The following RBP3 variants were observed in gnomAD, a reference collection of about 807,000 sequenced individuals.
The protein encoded by RBP3 is retinol-binding protein 3.
In RBP3, 50 loss-of-function variants were observed where a neutral mutation model predicts 64.8. That is an observed-to-expected ratio of 0.77 (90% confidence interval 0.61 to 0.98). The LOEUF is 0.98. RBP3 is among the 50% of genes least tolerant of loss of function. The pLI, the probability that RBP3 is intolerant of heterozygous loss-of-function variation, is 0.00. For synonymous variants in RBP3, 828 were observed against 730.2 expected, an observed-to-expected ratio of 1.13 and a Z score of -2.16; for missense variants, 1,712 against 1,660.5, an observed-to-expected ratio of 1.03 and a Z score of -0.54.
At chr10:47,352,284 C>T (rs1044000769) in intron 1 of RBP3, among the ~76,000 whole-genome samples, 13 of 152,168 alleles carry the variant, frequency 8.5e-5, no homozygotes, top group African/African-American at 3.1e-4. Context: ...CAGGCATAGC[C>T]CTCTGCAGGC....
rs2132252059 is a variant in RBP3 at position 47,348,538 on chromosome 10, C to A, written c.54C>A (p.Gly18=). 6.2e-7 allele frequency: 1 copy of A among 1,611,336 alleles called. No individual in the cohort carries two copies. The highest frequency in any genetic ancestry group is 8.5e-7 in the Non-Finnish European group (1 of 1,179,986). ...LMSVLLCGLA[G]PTHLFQPSLV... is the part of the protein sequence containing the mutation. ...CCGTGCTGCTCTGTGGCCTGGCTGG[C>A]CCCACACACCTGTTCCAGCCAAGCC... is the stretch of plus-strand genomic sequence containing the variant. Residue 18 remains glycine, a synonymous_variant, in exon 1 of 4, where the codon GGC becomes GGA. Transcript: ENST00000584701.
Position 47,353,454 on chromosome 10 carries a change from C to CACA in RBP3, c.3184_3185insACA (p.Leu1062delinsHisMet). ...TGAGCTGCTCACCCAGGTCTCCAGG[C>CACA]TGCTGGTGGAGCACATCTGGAAGAA... On this transcript the variant is annotated protein_altering_variant, in exon 2 of 4. Coordinates refer to ENST00000584701, the MANE Select transcript of RBP3 (RefSeq NM_002900.3). 1 of 1,614,170 alleles carries CACA rather than the reference C, an allele frequency of 6.2e-7. No homozygotes were observed. The highest frequency in any genetic ancestry group is 1.1e-5 in the South Asian group (1 of 91,084).
intron 1 of RBP3, among the ~76,000 whole-genome samples, chr10:47,352,680 TGCATCCACGTGCGA>T (rs1418912807): frequency 6.6e-6 from 1 of 152,084 alleles, no homozygotes; most frequent in African/African-American, 2.4e-5. Context: ...GAGGAGGAGG[TGCATCCACGTGCGA>T]GTAGCCTGTG....
chr10:47,356,140 A>G (rs1262376813), intron 3 of RBP3, among the ~76,000 whole-genome samples: 5 of 152,206 alleles, frequency 3.3e-5, no homozygotes, highest in African/African-American at 1.2e-4. Context: ...CTACCCAACA[A>G]GAAAGGACTG....
At chr10:47,354,628 C>G (rs1837022346) in intron 2 of RBP3, among the ~76,000 whole-genome samples, 1 of 152,226 alleles carries the variant, frequency 6.6e-6, no homozygotes, top group South Asian at 2.1e-4. Flanking sequence ...ATGCCATTTA[C>G]ACTTTTTAAA....
chr10:47,349,761 TG>T lies in RBP3; in HGVS notation c.1279del (p.Asp427ThrfsTer139), dbSNP rs2132253612. Reference sequence around the variant, plus strand: ...GACGAGGCTATCCGGCAAGCACTGGTGGACTCTGTGTTCCAGGTGTCGGTGC... The same window carrying T: ...GACGAGGCTATCCGGCAAGCACTGGTGACTCTGTGTTCCAGGTGTCGGTGC... ...PEDEAIRQAL[V>X]DSVFQVSVLP... On this transcript the variant is annotated frameshift_variant, in exon 1 of 4. Coordinates refer to ENST00000584701, the MANE Select transcript of RBP3 (RefSeq NM_002900.3). LOFTEE classifies it high-confidence loss of function. The T allele has an allele frequency of 6.2e-7, 1 of 1,613,036 alleles. No individual in the cohort carries two copies. The highest frequency in any genetic ancestry group is 8.5e-7 in the Non-Finnish European group (1 of 1,180,022).
chr10:47,349,583 G>A lies in RBP3; in HGVS notation c.1099G>A (p.Asp367Asn). 6.2e-7 allele frequency: 1 copy of A among 1,612,984 alleles called. No homozygotes were observed. Among genetic ancestry groups the A allele is most frequent in the Non-Finnish European group, 8.5e-7 (1 of 1,180,010 alleles). ...MDFSTVVSEEDLVTKLNAGLQ... is the reference protein window; with the variant it reads ...MDFSTVVSEENLVTKLNAGLQ... ...CTTCTCCACGGTGGTCTCCGAGGAA[G>A]ATCTGGTCACCAAGCTCAATGCCGG... Residue 367 changes from aspartate to asparagine, a missense_variant, in exon 1 of 4, where the codon GAT becomes AAT. Asp to Asn is a conservative substitution (Grantham distance 23). Transcript: ENST00000584701.
At chr10:47,353,557 G>A in intron 2 of RBP3, 42 bp downstream of exon 2, 1 of 1,606,470 alleles carries the variant, frequency 6.2e-7, no homozygotes, top group East Asian at 2.2e-5. Context: ...AGGACGCAGG[G>A]CTGCCAGGGG....
In RBP3 at chr10:47,350,410, C is replaced by T; in HGVS notation, c.1926C>T (p.Gly642=). ...FHQSLGALVE[G]TGHLLEAHYA... is the part of the protein sequence containing the mutation. ...AAAGCCTGGGGGCCTTGGTGGAGGG[C>T]ACAGGGCACCTGCTGGAGGCCCACT... is the stretch of plus-strand genomic sequence containing the variant. Residue 642 remains glycine, a synonymous_variant, in exon 1 of 4, where the codon GGC becomes GGT. Coordinates refer to ENST00000584701, the MANE Select transcript of RBP3 (RefSeq NM_002900.3). 6.2e-7 allele frequency: 1 copy of T among 1,612,266 alleles called. No individual in the cohort carries two copies. Among genetic ancestry groups the T allele is most frequent in the Admixed American group, 1.7e-5 (1 of 59,982 alleles).
chr10:47,350,829 TGC>T lies in RBP3; in HGVS notation c.2348_2349del (p.Arg783LeufsTer19). The T allele has an allele frequency of 6.2e-7, 1 of 1,613,070 alleles. No individual in the cohort carries two copies. Among genetic ancestry groups the T allele is most frequent in the Non-Finnish European group, 8.5e-7 (1 of 1,180,034 alleles). ...GACACGGCTGCGCTGGTGATCGACC[TGC>T]GCTACAACCCTGGCAGCTACTCCAC... On this transcript the variant is annotated frameshift_variant, in exon 1 of 4. Coordinates refer to ENST00000584701, the MANE Select transcript of RBP3 (RefSeq NM_002900.3). LOFTEE classifies it high-confidence loss of function.
rs782293240 is a variant in RBP3, at chr10:47,349,957, G to T, written c.1473G>T (p.Leu491=). The change falls in exon 1 of 4, where the codon CTG becomes CTT. Residue 491 remains leucine (L), a synonymous_variant. Coordinates refer to ENST00000584701, the MANE Select transcript of RBP3 (RefSeq NM_002900.3). ...NPGGPSSAVP[L]LLSYFQGPEA... ...GAGGGCCATCCTCTGCTGTGCCCCT[G>T]CTCCTGTCCTACTTCCAGGGCCCTG... The T allele has an allele frequency of 3.7e-6, 6 of 1,612,466 alleles. 1 individual carries two copies. The East Asian group carries it at 1.3e-4, about 36-fold the overall frequency.
At position 47,349,811 on chromosome 10, in the gene RBP3, C is replaced by A. The variant is rs864621999; in HGVS notation, c.1327C>A (p.Arg443Ser). 2 of 1,613,288 alleles carry A rather than the reference C, an allele frequency of 1.2e-6. No individual in the cohort carries two copies. Among genetic ancestry groups the A allele is most frequent in the Non-Finnish European group, 8.5e-7 (1 of 1,180,038 alleles). ...GCTGCCAGGCAATGTGGGCTACCTG[C>A]GCTTCGATAGTTTTGCTGACGCCTC... ...SVLPGNVGYL[R>S]FDSFADASVL... The change falls in exon 1 of 4, where the codon CGC (arginine) becomes AGC (serine). Residue 443 changes from arginine to serine, a missense_variant. By Grantham distance (110) the Arg-to-Ser change is moderately radical. Transcript: ENST00000584701.
In RBP3 at chr10:47,357,523, C is replaced by T; in HGVS notation, c.*66C>T. Reference sequence around the variant, plus strand: ...TCTGGGACACACACCAAGGGCACTCCTGCAGGTGGCCCGGCCTGAGGTTCC... The same window carrying T: ...TCTGGGACACACACCAAGGGCACTCTTGCAGGTGGCCCGGCCTGAGGTTCC... On this transcript the variant is annotated 3_prime_UTR_variant, in exon 4 of 4. Coordinates refer to ENST00000584701, the MANE Select transcript of RBP3 (RefSeq NM_002900.3). 2.7e-6 allele frequency: 4 copies of T among 1,467,516 alleles called. No homozygotes were observed. Among genetic ancestry groups the T allele is most frequent in the Non-Finnish European group, 3.7e-6 (4 of 1,076,430 alleles). The allele number at this position is 1,467,516 out of a possible 1,614,324, so 90.9% of individuals were successfully genotyped here. A position where few individuals can be genotyped will look rare whatever the true frequency, so the allele number is the denominator to read the frequency against.
chr10:47,348,707 A>T lies in RBP3; in HGVS notation c.223A>T (p.Thr75Ser). ...SDPQTLASVL[T>S]AGVQSSLNDP... The stretch of plus-strand genomic sequence containing the variant: ...CCCGCAGACGCTGGCCAGTGTGCTG[A>T]CAGCCGGGGTGCAGAGCTCCCTGAA... Residue 75 changes from threonine to serine, a missense_variant, in exon 1 of 4, where the codon ACA becomes TCA. By Grantham distance (58) the Thr-to-Ser change is moderately conservative (BLOSUM62 1). Coordinates refer to ENST00000584701, the MANE Select transcript of RBP3 (RefSeq NM_002900.3). 6.2e-7 allele frequency: 1 copy of T among 1,613,608 alleles called. No individual in the cohort carries two copies. The highest frequency in any genetic ancestry group is 1.3e-5 in the African/African-American group (1 of 75,046).
chr10:47,353,536 G>T (rs1837008374), intron 2 of RBP3, 21 bp downstream of exon 2: 1 of 1,612,990 alleles, frequency 6.2e-7, no homozygotes, highest in Non-Finnish European at 8.5e-7. Flanking sequence ...AGGGGTCAGT[G>T]CTTCCTAGCC....
At chr10:47,355,048 C>T (rs1190577684) in intron 2 of RBP3, among the ~76,000 whole-genome samples, 1 of 152,160 alleles carries the variant, frequency 6.6e-6, no homozygotes, top group Non-Finnish European at 1.5e-5. Flanking sequence ...GGGAGCAGTC[C>T]ATGGTCAATA....
In RBP3 at chr10:47,350,760, C is replaced by A; in HGVS notation, c.2276C>A (p.Ala759Asp). The change falls in exon 1 of 4, where the codon GCC (alanine) becomes GAC (aspartate). Residue 759 changes from alanine to aspartate, a missense_variant. By Grantham distance (126) the Ala-to-Asp change is moderately radical. Transcript: ENST00000584701. ...ATGGCTGAACTGGAGACAGTGAAGG[C>A]CGTGGGGCCACAGCTGGTGCGGCTG... ...DAMAELETVK[A>D]VGPQLVRLVW... 1 of 1,613,146 alleles carries A rather than the reference C, an allele frequency of 6.2e-7. No homozygotes were observed. Among genetic ancestry groups the A allele is most frequent in the South Asian group, 1.1e-5 (1 of 91,078 alleles).
Position 47,355,272 on chromosome 10 carries a change from G to T in RBP3, c.3246-104G>T, listed in dbSNP as rs976689767. 6.1e-6 allele frequency: 9 copies of T among 1,472,794 alleles called. No homozygotes were observed. In the South Asian group the frequency reaches 1.1e-4, roughly 18 times the overall value. The allele number at this position is 1,472,794 out of a possible 1,614,324, so 91.2% of individuals were successfully genotyped here. ...AGAGGCACTAGACTGAGGCTGCCAA[G>T]AATTAGAACCCTCCATGGGACAAAG... On this transcript the variant is annotated intron_variant, in intron 2 of 3. Coordinates refer to ENST00000584701, the MANE Select transcript of RBP3 (RefSeq NM_002900.3).
Position 47,348,482 on chromosome 10 carries a change from C to T in RBP3, c.-3C>T. ...CAGGAGCCAGGCCTCCCCCTGGGTC[C>T]CCATGATGAGAGAATGGGTTCTGCT... On this transcript the variant is annotated 5_prime_UTR_variant, in exon 1 of 4. Coordinates refer to ENST00000584701, the MANE Select transcript of RBP3 (RefSeq NM_002900.3). 1 of 1,601,380 alleles carries T rather than the reference C, an allele frequency of 6.2e-7. No homozygotes were observed. The highest frequency in any genetic ancestry group is 8.5e-7 in the Non-Finnish European group (1 of 1,179,936).
Sources: gnomAD v4.1 joint callset for allele counts (sites outside exome capture counted in the v4.1 genomes callset) on GRCh38, gnomAD v4.1.1 for gene constraint, MANE v1.5 for transcripts, NCBI Gene and HGNC (gene_info 2026-07-23, HGNC 2026-07-21) for gene names.